FAM135B: variants seen among roughly 807,000 people sequenced by gnomAD.
FAM135B encodes family with sequence similarity 135 member B, also known as protein FAM135B.
Under a neutral mutation model 127.7 loss-of-function variants are expected in FAM135B, and 43 were observed. The observed-to-expected ratio is 0.34, with a 90% CI of 0.26 to 0.43. The LOEUF is 0.43. Ranked by LOEUF, FAM135B falls within the 20% of genes least tolerant of loss-of-function variation. FAM135B has a pLI of 1.00. For missense variants in FAM135B, 1,558 were observed against 1,725.6 expected, an observed-to-expected ratio of 0.90 and a Z score of 1.72; for synonymous variants, 670 against 665.1, an observed-to-expected ratio of 1.01 and a Z score of -0.11.
intron 7 of FAM135B, among the ~76,000 whole-genome samples, chr8:138,237,872 C>T (rs1317502549): frequency 1.3e-5 from 2 of 152,186 alleles, no homozygotes; most frequent in Non-Finnish European, 2.9e-5. Flanking sequence ...TATACACACA[C>T]ATACACATTC....
At chr8:138,302,707 TC>T in intron 3 of FAM135B, among the ~76,000 whole-genome samples, 1 of 152,094 alleles carries the variant, frequency 6.6e-6, no homozygotes, top group East Asian at 1.9e-4. Flanking sequence ...CCCTGGGGCC[TC>T]CCCCCTCCCA....
intron 9 of FAM135B, among the ~76,000 whole-genome samples, chr8:138,185,751 T>C (rs560061935): frequency 6.6e-6 from 1 of 152,182 alleles, no homozygotes; most frequent in African/African-American, 2.4e-5. Context: ...TGCTGTATTA[T>C]AACAAATTAA....
In FAM135B at chr8:138,222,020, T is replaced by C. The variant is rs1335532335; in HGVS notation, c.669+20922A>G. 2.0e-5 allele frequency among the ~76,000 whole-genome samples: 3 copies of C among 151,808 alleles called. No homozygotes were observed. The East Asian group carries it at 5.8e-4, about 29-fold the overall frequency. ...ACTAATTCAGAAACGGCAGCAATGATAGAGTTCTCAGCAAGGACAGGTGCA... is the reference window on the plus strand; with the variant it reads ...ACTAATTCAGAAACGGCAGCAATGACAGAGTTCTCAGCAAGGACAGGTGCA... On this transcript the variant is annotated intron_variant, in intron 7 of 19. Coordinates refer to ENST00000395297, the MANE Select transcript of FAM135B (RefSeq NM_015912.4).
chr8:138,250,441 C>T (rs894827680), intron 6 of FAM135B, among the ~76,000 whole-genome samples: 5 of 152,084 alleles, frequency 3.3e-5, no homozygotes, highest in Non-Finnish European at 7.4e-5. Context: ...AAACTAAGCC[C>T]CTAACATGTG....
At chr8:138,246,739 C>T (rs1464236612) in intron 6 of FAM135B, among the ~76,000 whole-genome samples, 2 of 152,154 alleles carry the variant, frequency 1.3e-5, no homozygotes, top group African/African-American at 4.8e-5. Context: ...GGCCACCATC[C>T]CCCAGACTCC....
At chr8:138,432,944 T>C (rs924552888) in intron 1 of FAM135B, among the ~76,000 whole-genome samples, 1 of 151,984 alleles carries the variant, frequency 6.6e-6, no homozygotes, top group African/African-American at 2.4e-5. Flanking sequence ...CAGGAAGGAA[T>C]GACAATGGAA....
chr8:138,209,891 C>T (rs1369100237), intron 7 of FAM135B, among the ~76,000 whole-genome samples: 1 of 152,188 alleles, frequency 6.6e-6, no homozygotes, highest in African/African-American at 2.4e-5. Flanking sequence ...AGCTCTTTAT[C>T]CCACATGGGA....
intron 2 of FAM135B, among the ~76,000 whole-genome samples, chr8:138,351,469 A>G (rs147940344): frequency 4.5e-4 from 68 of 152,284 alleles, no homozygotes; most frequent in African/African-American, 1.5e-3. Flanking sequence ...AGAGATTAAC[A>G]GAAAAGACAC....
intron 2 of FAM135B, among the ~76,000 whole-genome samples, chr8:138,364,464 A>G (rs1830620248): frequency 6.6e-6 from 1 of 152,216 alleles, no homozygotes; most frequent in Non-Finnish European, 1.5e-5. Flanking sequence ...AGACCTGTCC[A>G]TAGAAGTAAC....
chr8:138,355,263 T>G (rs1354189898), intron 2 of FAM135B, among the ~76,000 whole-genome samples: 1 of 152,156 alleles, frequency 6.6e-6, no homozygotes, highest in East Asian at 1.9e-4. Context: ...TAAAGACACA[T>G]GCACACCTAT....
intron 2 of FAM135B, among the ~76,000 whole-genome samples, chr8:138,332,623 G>T (rs1051779673): frequency 2.0e-5 from 3 of 151,926 alleles, no homozygotes; most frequent in Non-Finnish European, 4.4e-5. Flanking sequence ...TCCCCACTGT[G>T]ACAGGTGAGG....
At chr8:138,453,393 G>C (rs919596976) in intron 1 of FAM135B, among the ~76,000 whole-genome samples, 12 of 146,836 alleles carry the variant, frequency 8.2e-5, no homozygotes, top group Non-Finnish European at 1.2e-4. Context: ...ACAAATTCCT[G>C]CCCCTGTCTT....
At chr8:138,411,782 A>G (rs994978108) in intron 1 of FAM135B, among the ~76,000 whole-genome samples, 8 of 152,232 alleles carry the variant, frequency 5.3e-5, no homozygotes, top group African/African-American at 1.9e-4. Context: ...TGTTCATAGC[A>G]GTACTATTCA....
chr8:138,136,981 C>T (rs1816715953), intron 19 of FAM135B, among the ~76,000 whole-genome samples, 166 bp downstream of exon 19: 1 of 152,176 alleles, frequency 6.6e-6, no homozygotes, highest in African/African-American at 2.4e-5. Flanking sequence ...AAGGAAGGAT[C>T]TGGCACAGTA....
At chr8:138,212,667 T>A (rs1015217894) in intron 7 of FAM135B, among the ~76,000 whole-genome samples, 14 of 152,376 alleles carry the variant, frequency 9.2e-5, no homozygotes, top group Admixed American at 7.2e-4. Context: ...ATGCTGAATC[T>A]ATCTATTAAA....
At chr8:138,194,931 C>A (rs189596568) in intron 9 of FAM135B, among the ~76,000 whole-genome samples, 3 of 152,338 alleles carry the variant, frequency 2.0e-5, no homozygotes, top group Admixed American at 2.0e-4. Context: ...ATTCTGTCAT[C>A]CACAGTGAGA....
At chr8:138,444,808 G>A (rs1242402706) in intron 1 of FAM135B, among the ~76,000 whole-genome samples, 2 of 152,106 alleles carry the variant, frequency 1.3e-5, no homozygotes, top group Non-Finnish European at 2.9e-5. Flanking sequence ...GATCAGAGCA[G>A]AACTGAAGGA....
intron 12 of FAM135B, 30 bp from the exon 13 acceptor site, chr8:138,153,246 T>C: frequency 1.4e-6 from 2 of 1,465,218 alleles, no homozygotes; most frequent in Non-Finnish European, 1.8e-6. Context: ...AAAATTATAT[T>C]ATAGTGTAAG....
intron 12 of FAM135B, among the ~76,000 whole-genome samples, chr8:138,162,997 A>G (rs1181391561): frequency 6.6e-6 from 1 of 152,248 alleles, no homozygotes; most frequent in Non-Finnish European, 1.5e-5. Flanking sequence ...TTGCCAAAAT[A>G]GCAAATAATT....
Sources: gnomAD v4.1 joint callset for allele counts (sites outside exome capture counted in the v4.1 genomes callset) on GRCh38, gnomAD v4.1.1 for gene constraint, MANE v1.5 for transcripts, NCBI Gene and HGNC (gene_info 2026-07-23, HGNC 2026-07-21) for gene names.